ANTXR1: variants seen among roughly 807,000 people sequenced by gnomAD.
ANTXR1 encodes the protein ANTXR cell adhesion molecule 1.
ANTXR1 carries 19 observed loss-of-function variants against 78.1 expected under a neutral mutation model. That is an observed-to-expected ratio of 0.24 (90% CI 0.17 to 0.36). ANTXR1 has a LOEUF of 0.36. Among genes scored for constraint, ANTXR1 ranks in the 10% least tolerant of loss-of-function variants. The pLI is 1.00. For missense variants in ANTXR1, 518 were observed against 718.6 expected, an observed-to-expected ratio of 0.72 and a Z score of 3.19; for synonymous variants, 273 against 260.5, an observed-to-expected ratio of 1.05 and a Z score of -0.46.
intron 3 of ANTXR1, among the ~76,000 whole-genome samples, chr2:69,056,689 A>G (rs969127343): frequency 1.3e-5 from 2 of 151,998 alleles, no homozygotes; most frequent in African/African-American, 4.8e-5. Context: ...AATTTTATTT[A>G]TTTTTGAGAG....
intron 1 of ANTXR1, among the ~76,000 whole-genome samples, chr2:69,027,304 G>A (rs761519273): frequency 2.0e-5 from 3 of 152,152 alleles, no homozygotes; most frequent in South Asian, 4.1e-4. Flanking sequence ...CCAGGGAAAC[G>A]GCAGAGTTTT....
At chr2:69,166,813 T>G (rs1377539000) in intron 13 of ANTXR1, among the ~76,000 whole-genome samples, 1 of 152,214 alleles carries the variant, frequency 6.6e-6, no homozygotes, top group African/African-American at 2.4e-5. Context: ...GGAAGCTGAT[T>G]CTAGCTTGCA....
intron 1 of ANTXR1, among the ~76,000 whole-genome samples, chr2:69,019,028 G>A (rs1671107598): frequency 6.6e-6 from 1 of 152,188 alleles, no homozygotes; most frequent in Admixed American, 6.5e-5. Flanking sequence ...AGACTTTAAG[G>A]TGTGTTCAGG....
In ANTXR1 at chr2:69,013,319, A is replaced by C; in HGVS notation, c.-181A>C. On this transcript the variant is annotated 5_prime_UTR_variant, in exon 1 of 18. Coordinates refer to ENST00000303714, the MANE Select transcript of ANTXR1 (RefSeq NM_032208.3). The surrounding 1 kb of genome is among the most constrained non-coding windows in gnomAD (Gnocchi z 5.0). ...ACCCGAAACCCAGAAACAGCATCGG[A>C]GCGGAAACCAGAGGGGAAACCTTGA... 1 of 794,782 alleles carries C rather than the reference A, an allele frequency of 1.3e-6. No homozygotes were observed. Among genetic ancestry groups the C allele is most frequent in the South Asian group, 1.7e-5 (1 of 60,098 alleles). The allele number at this position is 794,782 out of a possible 1,614,324, so 49.2% of individuals were successfully genotyped here.
chr2:69,107,375 G>C (rs1671844080), intron 10 of ANTXR1, among the ~76,000 whole-genome samples: 1 of 151,992 alleles, frequency 6.6e-6, no homozygotes, highest in Non-Finnish European at 1.5e-5. Flanking sequence ...GAGTAGCTAG[G>C]ACCACAGATG....
chr2:69,155,254 G>A (rs1229076457), intron 13 of ANTXR1, among the ~76,000 whole-genome samples: 1 of 152,192 alleles, frequency 6.6e-6, no homozygotes, highest in Non-Finnish European at 1.5e-5. Flanking sequence ...CAAACCTTTA[G>A]TGTTTCCCAG....
At chr2:69,015,913 A>G (rs1404837699) in intron 1 of ANTXR1, among the ~76,000 whole-genome samples, 1 of 152,234 alleles carries the variant, frequency 6.6e-6, no homozygotes, top group African/African-American at 2.4e-5. Flanking sequence ...TCACAAGAGA[A>G]AAAAATATGA....
intron 16 of ANTXR1, among the ~76,000 whole-genome samples, chr2:69,186,991 A>C (rs1002454474): frequency 6.6e-6 from 1 of 152,218 alleles, no homozygotes; most frequent in Non-Finnish European, 1.5e-5. Flanking sequence ...TACCTCACAC[A>C]AAACTGTCAG....
At chr2:69,176,303 TG>T (rs761255410) in intron 14 of ANTXR1, among the ~76,000 whole-genome samples, 5 of 152,210 alleles carry the variant, frequency 3.3e-5, no homozygotes, top group Non-Finnish European at 5.9e-5. Context: ...CCATGACATG[TG>T]AAATGCGGCT....
At chr2:69,069,304 C>G (rs6723308) in intron 3 of ANTXR1, among the ~76,000 whole-genome samples, 39,896 of 152,014 alleles carry the variant, frequency 0.26, 9,256 homozygotes, top group African/African-American at 0.61. Flanking sequence ...AATCCCACCT[C>G]TGTCTTAGGT....
intron 14 of ANTXR1, among the ~76,000 whole-genome samples, chr2:69,175,435 C>T (rs1211805667): frequency 6.7e-6 from 1 of 149,990 alleles, no homozygotes; most frequent in Non-Finnish European, 1.5e-5. Flanking sequence ...AGGGAGACCG[C>T]CCCCCGCCCC....
chr2:69,052,212 C>T (rs1386001761), intron 3 of ANTXR1, among the ~76,000 whole-genome samples: 1 of 152,064 alleles, frequency 6.6e-6, no homozygotes, highest in Non-Finnish European at 1.5e-5. Flanking sequence ...TACACGCACA[C>T]ATTCACACAC....
chr2:69,021,774 G>A (rs946124673), intron 1 of ANTXR1, among the ~76,000 whole-genome samples: 5 of 152,202 alleles, frequency 3.3e-5, no homozygotes, highest in African/African-American at 1.2e-4. Flanking sequence ...GCTTTGGCTT[G>A]AATAAGCAAG....
At chr2:69,232,949 A>G (rs917362655) in intron 17 of ANTXR1, among the ~76,000 whole-genome samples, 1 of 152,196 alleles carries the variant, frequency 6.6e-6, no homozygotes, top group Non-Finnish European at 1.5e-5. Context: ...TATCACAACG[A>G]AGGAGATTTG....
intron 12 of ANTXR1, among the ~76,000 whole-genome samples, chr2:69,150,080 C>A (rs1191063893): frequency 1.3e-5 from 2 of 152,208 alleles, no homozygotes; most frequent in African/African-American, 2.4e-5. Flanking sequence ...TGGCTAGGGA[C>A]CAGAGGTGTT....
rs76953470 is a variant in ANTXR1 at position 69,202,169 on chromosome 2, T to C, written c.1434+8754T>C. On this transcript the variant is annotated intron_variant, in intron 17 of 17. Transcript: ENST00000303714. ...TAAGCACTGAACCCTGAGGGTCACA[T>C]CCTTTAAGTCAGGGTGGAGAAAAGA... 8.7e-3 allele frequency among the ~76,000 whole-genome samples: 1,330 copies of C among 152,078 alleles called. 37 individuals are homozygous for C. In the East Asian group the frequency reaches 0.098, roughly 11 times the overall value.
At position 69,091,806 on chromosome 2, in the gene ANTXR1, A is replaced by G. The variant is rs556329923; in HGVS notation, c.703+887A>G. Among the ~76,000 whole-genome samples, 12 of 152,318 alleles carry G rather than the reference A, an allele frequency of 7.9e-5. No homozygotes were observed. In the East Asian group the frequency reaches 1.3e-3, roughly 17 times the overall value. ...TTTTGTCATTAATAAGGAAGTCTCTATGTAAAGAATTAGCCTTCTTCGAGT... is the reference window on the plus strand; with the variant it reads ...TTTTGTCATTAATAAGGAAGTCTCTGTGTAAAGAATTAGCCTTCTTCGAGT... On this transcript the variant is annotated intron_variant, in intron 9 of 17. Coordinates refer to ENST00000303714, the MANE Select transcript of ANTXR1 (RefSeq NM_032208.3).
chr2:69,116,285 G>A (rs1352175995), intron 10 of ANTXR1, among the ~76,000 whole-genome samples: 1 of 152,132 alleles, frequency 6.6e-6, no homozygotes, highest in Non-Finnish European at 1.5e-5. Flanking sequence ...AGCCCCAGTT[G>A]GGCAATCAGT....
intron 17 of ANTXR1, among the ~76,000 whole-genome samples, chr2:69,234,525 C>T (rs1280545918): frequency 6.6e-6 from 1 of 151,998 alleles, no homozygotes; most frequent in Non-Finnish European, 1.5e-5. Flanking sequence ...GCCTGTAATC[C>T]CAGCACTTTG....
Sources: allele counts gnomAD v4.1 joint callset (sites outside exome capture counted in the v4.1 genomes callset), GRCh38; gene constraint gnomAD v4.1.1; non-coding constraint Gnocchi (gnomAD v3.1); transcripts MANE v1.5; gene names NCBI Gene and HGNC (gene_info 2026-07-23, HGNC 2026-07-21).